ENOSF1: variants seen among roughly 807,000 people sequenced by gnomAD.
The protein encoded by ENOSF1 is mitochondrial enolase superfamily member 1.
ENOSF1 carries 73 observed loss-of-function variants against 68.2 expected under a neutral mutation model. That is an observed-to-expected ratio of 1.07 (90% CI 0.89 to 1.30). The LOEUF is 1.30. ENOSF1 is among the 50% of genes most tolerant of loss of function. The pLI is 0.00. For missense variants in ENOSF1, 589 were observed against 554.5 expected, an observed-to-expected ratio of 1.06 and a Z score of -0.62; for synonymous variants, 223 against 210.4, an observed-to-expected ratio of 1.06 and a Z score of -0.52.
intron 10 of ENOSF1, among the ~76,000 whole-genome samples, chr18:685,179 A>G (rs987663658): frequency 6.6e-6 from 1 of 151,464 alleles, no homozygotes; most frequent in Non-Finnish European, 1.5e-5. Context: ...TTTTTCTTGT[A>G]TTTTTCGGTA....
chr18:666,581 A>G (rs190691017), downstream of ENOSF1, among the ~76,000 whole-genome samples: 4 of 152,326 alleles, frequency 2.6e-5, no homozygotes, highest in East Asian at 3.9e-4. Flanking sequence ...GAGACCAGCA[A>G]CCTGGAGAGC....
chr18:706,801 G>GTGTGTA (rs143228323), intron 1 of ENOSF1: 1 of 150,884 alleles, frequency 6.6e-6, no homozygotes, highest in East Asian at 1.8e-4. Context: ...AGCAATGTAT[G>GTGTGTA]TATATATATA....
rs924651152 is a variant in ENOSF1 at position 674,771 on chromosome 18, C to T, written c.1231-365G>A. On this transcript the variant is annotated intron_variant, in intron 15 of 15. Transcript: ENST00000647584. Reference sequence around the variant, plus strand: ...CTGACCTCAAATGATCCACCTGCCTCAGCCTCCCAAAGTGTTGGGATTACA... The same window carrying T: ...CTGACCTCAAATGATCCACCTGCCTTAGCCTCCCAAAGTGTTGGGATTACA... Among the ~76,000 whole-genome samples, 13 of 152,348 alleles carry T rather than the reference C, an allele frequency of 8.5e-5. 1 individual carries two copies. Among genetic ancestry groups the T allele is most frequent in the Admixed American group, 2.0e-4 (3 of 15,302 alleles).
At chr18:694,226 G>C (rs777123974) in intron 4 of ENOSF1, 22 bp downstream of exon 4, 2 of 1,611,572 alleles carry the variant, frequency 1.2e-6, no homozygotes, top group South Asian at 2.2e-5. Context: ...GGAGCCTCCT[G>C]AGCGTTTGTG....
chr18:694,709 T>G (rs779572450), intron 3 of ENOSF1, among the ~76,000 whole-genome samples: 2 of 151,406 alleles, frequency 1.3e-5, no homozygotes, highest in African/African-American at 4.9e-5. Context: ...AAGGTAGCAA[T>G]AGAAACCCAC....
In ENOSF1 at chr18:692,998, C is replaced by T. The variant is rs79947948; in HGVS notation, c.423+884G>A. The T allele has an allele frequency of 5.1e-4, 604 of 1,174,386 alleles. 6 individuals are homozygous for T. In the East Asian group the frequency reaches 0.029, roughly 56 times the overall value. 72.7% of individuals were successfully genotyped at this position (1,174,386 alleles called of 1,614,324 possible). A position where few individuals can be genotyped will look rare whatever the true frequency, so the allele number is the denominator to read the frequency against. On this transcript the variant is annotated intron_variant, in intron 5 of 15. Transcript: ENST00000647584. Reference sequence around the variant, plus strand: ...ATTTGTGGATCACGAGGTTTTTAACCGCCACCCAGGTGTTGCACTGAGGCC... The same window carrying T: ...ATTTGTGGATCACGAGGTTTTTAACTGCCACCCAGGTGTTGCACTGAGGCC...
Position 671,425 on chromosome 18 carries a change from A to C in ENOSF1, c.*2880T>G. 6.2e-7 allele frequency: 1 copy of C among 1,611,806 alleles called. No homozygotes were observed. The highest frequency in any genetic ancestry group is 8.5e-7 in the Non-Finnish European group (1 of 1,179,114). ...TTTGGGAGATGCACATATTTACCTG[A>C]ATCACATCGAGCCACTGAAAATTCA... is the stretch of plus-strand genomic sequence containing the variant. On this transcript the variant is annotated 3_prime_UTR_variant, in exon 16 of 16. Coordinates refer to ENST00000647584, the MANE Select transcript of ENOSF1 (RefSeq NM_017512.7).
intron 3 of ENOSF1, among the ~76,000 whole-genome samples, chr18:696,204 CTTTT>C (rs368856668): frequency 1.2e-4 from 14 of 118,700 alleles, no homozygotes; most frequent in African/African-American, 2.3e-4. Context: ...ACATCTCTCT[CTTTT>C]TTTTTTTTTT....
At chr18:704,414 CAA>C (rs2078693783) in intron 2 of ENOSF1, among the ~76,000 whole-genome samples, 1 of 111,312 alleles carries the variant, frequency 9.0e-6, no homozygotes, top group South Asian at 3.1e-4. Context: ...GGCAACAGAG[CAA>C]GACTCTTGTT....
Position 685,912 on chromosome 18 carries a change from G to T in ENOSF1, c.741+9C>A. ...CTACTGCTTCTTAGTGGTGTGAGAG[G>T]ATATTTACCAAAGTCTTTTCCGGTC... On this transcript the variant is annotated intron_variant, in intron 10 of 15. Coordinates refer to ENST00000647584, the MANE Select transcript of ENOSF1 (RefSeq NM_017512.7). 6.2e-7 allele frequency: 1 copy of T among 1,606,864 alleles called. No homozygotes were observed. Among genetic ancestry groups the T allele is most frequent in the East Asian group, 2.2e-5 (1 of 44,820 alleles).
At chr18:690,810 C>A in intron 7 of ENOSF1, 179 bp from the exon 8 acceptor site, 1 of 1,466,350 alleles carries the variant, frequency 6.8e-7, no homozygotes, top group Non-Finnish European at 9.0e-7. Context: ...GATACTCTCA[C>A]GGACTGCCCT....
chr18:667,481 T>C (rs370525417), downstream of ENOSF1, among the ~76,000 whole-genome samples: 1 of 22,178 alleles, frequency 4.5e-5, no homozygotes, highest in African/African-American at 4.7e-4. Context: ...ATGGTGATGG[T>C]GATGGTGATG....
Position 691,083 on chromosome 18 carries a change from C to A in ENOSF1, c.520G>T (p.Gly174Cys). Residue 174 changes from glycine (G) to cysteine (C), a missense_variant, in exon 7 of 16, where the codon GGT (glycine) becomes TGT (cysteine). Gly to Cys is a radical substitution (Grantham distance 159). Coordinates refer to ENST00000647584, the MANE Select transcript of ENOSF1 (RefSeq NM_017512.7). ...ALEILQKGQI[G>C]KKEREKQMLA... ...TACAACCCACCTCTTTCTTTTTTAC[C>A]AATTTGACCTTTCTGCAGTATTTCT... 1.2e-6 allele frequency: 2 copies of A among 1,614,096 alleles called. No individual in the cohort carries two copies. The highest frequency in any genetic ancestry group is 2.7e-5 in the African/African-American group (2 of 75,022).
At chr18:697,727 G>A (rs2077895991) in intron 2 of ENOSF1, among the ~76,000 whole-genome samples, 2 of 152,132 alleles carry the variant, frequency 1.3e-5, no homozygotes, top group Admixed American at 1.3e-4. Flanking sequence ...CTCCAGCCTG[G>A]GCAACAAGAG....
At position 694,439 on chromosome 18, in the gene ENOSF1, T is replaced by C. The variant is rs556103945; in HGVS notation, c.310-105A>G. 5.1e-6 allele frequency: 5 copies of C among 980,430 alleles called. No homozygotes were observed. In the East Asian group the frequency reaches 1.3e-4, roughly 26 times the overall value. 60.7% of individuals were successfully genotyped at this position (980,430 alleles called of 1,614,324 possible). ...CAGGACTTTGGGACCAAGACCAGCC[T>C]GGCCAACATGGTGAAACCCCGTCTC... On this transcript the variant is annotated intron_variant, in intron 3 of 15. Transcript: ENST00000647584.
downstream of ENOSF1, among the ~76,000 whole-genome samples, chr18:667,487 T>C (rs899791245): frequency 2.4e-4 from 7 of 28,970 alleles, 2 homozygotes; most frequent in African/African-American, 2.0e-3. Flanking sequence ...ATGGTGATGG[T>C]GATGGTGATG....
intron 11 of ENOSF1, among the ~76,000 whole-genome samples, chr18:681,727 TCTC>T (rs1805660280): frequency 6.6e-6 from 1 of 152,096 alleles, no homozygotes; most frequent in Non-Finnish European, 1.5e-5. Flanking sequence ...CACCCAACGT[TCTC>T]CTCAATGAAC....
chr18:694,131 G>C (rs766584538), intron 4 of ENOSF1, 117 bp downstream of exon 4: 1 of 1,169,402 alleles, frequency 8.6e-7, no homozygotes, highest in Non-Finnish European at 1.2e-6. Flanking sequence ...AAACACCAAA[G>C]CAATTATCTG....
chr18:703,178 T>C (rs2078555635), intron 2 of ENOSF1, among the ~76,000 whole-genome samples: 1 of 152,096 alleles, frequency 6.6e-6, no homozygotes, highest in Non-Finnish European at 1.5e-5. Flanking sequence ...TGGAAGTTGA[T>C]TTATCCGTGC....
Sources: gnomAD v4.1 joint callset for allele counts (sites outside exome capture counted in the v4.1 genomes callset) on GRCh38, gnomAD v4.1.1 for gene constraint, MANE v1.5 for transcripts, NCBI Gene and HGNC (gene_info 2026-07-23, HGNC 2026-07-21) for gene names.